Variants in ATXN2 observed in about 807,000 individuals in gnomAD.
The protein encoded by ATXN2 is ataxin 2.
A neutral mutation model predicts 138.6 loss-of-function variants in ATXN2; 37 were observed. The ratio of observed to expected loss-of-function variants is 0.27; its 90% CI spans 0.21 to 0.35. The LOEUF is 0.35. Among genes scored for constraint, ATXN2 ranks in the 10% least tolerant of loss-of-function variants. The pLI is 1.00. For missense variants in ATXN2, 1,216 were observed against 1,480.3 expected (o/e 0.82, Z 2.93); for synonymous variants, 549 against 543.7 (o/e 1.01, Z -0.13).
In ATXN2 at chr12:111,453,756, C is replaced by T. The variant is rs1874855846; in HGVS notation, c.3360G>A (p.Gln1120=). Residue 1120 remains glutamine (Q), a synonymous_variant, in exon 24 of 25, where the codon CAG becomes CAA. Coordinates refer to ENST00000673436, the MANE Select transcript of ATXN2 (RefSeq NM_001372574.1). This position sits in a 1 kb window ranked among gnomAD's most constrained non-coding sequence, Gnocchi z 5.4. ...GTAGTGCACTTTGAGCGAGGGCGGC[C>T]TGGGGACCGCCGGGTGGCTGTGTCG... ...LMTTQPPGGP[Q]AALAQSALQP... 1 of 1,614,118 alleles carries T rather than the reference C, an allele frequency of 6.2e-7. No homozygotes were observed. The highest frequency in any genetic ancestry group is 8.5e-7 in the Non-Finnish European group (1 of 1,179,972).
intron 1 of ATXN2, among the ~76,000 whole-genome samples, chr12:111,574,702 T>TGTGA (rs1883536243): frequency 1.3e-5 from 2 of 152,204 alleles, no homozygotes; most frequent in South Asian, 4.2e-4. Context: ...GAATTACAGG[T>TGTGA]GTGAGCCACT....
chr12:111,453,936 A>C lies in ATXN2; in HGVS notation c.3271-91T>G. On this transcript the variant is annotated intron_variant, in intron 23 of 24. Transcript: ENST00000673436. The surrounding 1 kb of genome is among the most constrained non-coding windows in gnomAD (Gnocchi z 5.4). ...TTCCTTTCACTGGGCTGGGACTCTC[A>C]GGAAAGGGCAACGGTGGGCCTCAGG... 44 of 1,345,646 alleles carry C rather than the reference A, an allele frequency of 3.3e-5. No individual in the cohort carries two copies. Among genetic ancestry groups the C allele is most frequent in the Non-Finnish European group, 4.3e-5 (42 of 984,448 alleles). 83.4% of individuals were successfully genotyped at this position (1,345,646 alleles called of 1,614,324 possible).
At chr12:111,456,282 G>C (rs1875090132) in intron 22 of ATXN2, 26 bp from the exon 23 acceptor site, 1 of 1,611,706 alleles carries the variant, frequency 6.2e-7, no homozygotes, top group Admixed American at 1.7e-5. Flanking sequence ...AAAGAATTGA[G>C]AGGAAAACTT....
chr12:111,470,091 A>G lies in ATXN2; in HGVS notation c.2842+17T>C, dbSNP rs2135673442. On this transcript the variant is annotated intron_variant, in intron 20 of 24. Coordinates refer to ENST00000673436, the MANE Select transcript of ATXN2 (RefSeq NM_001372574.1). ...AGAGTCACACACACTGGAAGAGACA[A>G]ACAAAGTGCTTCCTACCATACATCG... The G allele has an allele frequency of 1.9e-6, 3 of 1,611,652 alleles. No individual in the cohort carries two copies. The highest frequency in any genetic ancestry group is 1.3e-5 in the African/African-American group (1 of 74,972).
rs748639800 is a variant in ATXN2, at chr12:111,488,788, A to G, written c.1936-8T>C. On this transcript the variant is annotated splice_polypyrimidine_tract_variant and splice_region_variant and intron_variant, in intron 14 of 24. Transcript: ENST00000673436. Reference sequence around the variant, plus strand: ...AGTAGAACTTGGCTGTAACTAAATAAAGGAAACAATTATACTTAAATATCT... The same window carrying G: ...AGTAGAACTTGGCTGTAACTAAATAGAGGAAACAATTATACTTAAATATCT... The G allele has an allele frequency of 1.3e-6, 2 of 1,584,992 alleles. No homozygotes were observed. The highest frequency in any genetic ancestry group is 1.7e-6 in the Non-Finnish European group (2 of 1,160,054).
chr12:111,554,239 A>C (rs888856493), intron 2 of ATXN2, 22 bp from the exon 3 acceptor site: 2 of 1,364,804 alleles, frequency 1.5e-6, no homozygotes, highest in Admixed American at 3.0e-5. Context: ...AAAAAAAAAA[A>C]AACTATTAGA....
chr12:111,495,963 G>A (rs985348405), intron 14 of ATXN2, among the ~76,000 whole-genome samples: 1 of 143,744 alleles, frequency 7.0e-6, no homozygotes, highest in African/African-American at 2.7e-5. Context: ...GGGACACATC[G>A]CAAAGCCCCA....
chr12:111,485,218 C>T, intron 18 of ATXN2, 47 bp downstream of exon 18: 1 of 1,532,392 alleles, frequency 6.5e-7, no homozygotes, highest in Non-Finnish European at 9.0e-7. Flanking sequence ...TTACTCAATT[C>T]ATGCAGCATG....
At chr12:111,501,809 T>C (rs1193922326) in intron 14 of ATXN2, among the ~76,000 whole-genome samples, 4 of 152,212 alleles carry the variant, frequency 2.6e-5, no homozygotes, top group East Asian at 3.8e-4. Context: ...ATAAGAGTTC[T>C]TGAGTGAAGG....
At chr12:111,544,822 G>A (rs1032372617) in intron 5 of ATXN2, among the ~76,000 whole-genome samples, 5 of 152,182 alleles carry the variant, frequency 3.3e-5, no homozygotes, top group South Asian at 2.1e-4. Flanking sequence ...GAGGTTAATC[G>A]TAGCCTTAGG....
intron 1 of ATXN2, among the ~76,000 whole-genome samples, chr12:111,572,636 TG>T (rs1396347086): frequency 1.4e-4 from 21 of 152,228 alleles, no homozygotes; most frequent in Admixed American, 1.3e-3. Flanking sequence ...TACAACCTCC[TG>T]ATATTGTTTG....
intron 3 of ATXN2, among the ~76,000 whole-genome samples, chr12:111,553,873 T>A (rs1165179111): frequency 6.6e-6 from 1 of 152,086 alleles, no homozygotes; most frequent in Non-Finnish European, 1.5e-5. Flanking sequence ...AGTGCTGGGA[T>A]TACAGGCGTG....
intron 6 of ATXN2, among the ~76,000 whole-genome samples, chr12:111,523,642 C>A (rs1304292786): frequency 2.0e-5 from 3 of 152,100 alleles, no homozygotes; most frequent in African/African-American, 7.2e-5. Context: ...AGTAGAATCA[C>A]TTGAACCCAG....
At chr12:111,597,968 G>C (rs1295744909) in intron 1 of ATXN2, 6 of 1,222,896 alleles carry the variant, frequency 4.9e-6, no homozygotes, top group Non-Finnish European at 6.3e-6. Context: ...AATGCGGATC[G>C]GCCACCACCC....
rs764313940 is a variant in ATXN2, at chr12:111,485,880, A to T, written c.2305-15T>A. 6.2e-6 allele frequency: 10 copies of T among 1,612,280 alleles called. No individual in the cohort carries two copies. In the South Asian group the frequency reaches 8.8e-5, roughly 14 times the overall value. ...GAAGGCTTTGGCTACAAAAACAACA[A>T]TAAATTCAATTATCTCAAGGTAACA... On this transcript the variant is annotated splice_polypyrimidine_tract_variant and intron_variant, in intron 16 of 24. Coordinates refer to ENST00000673436, the MANE Select transcript of ATXN2 (RefSeq NM_001372574.1).
intron 5 of ATXN2, among the ~76,000 whole-genome samples, chr12:111,541,114 G>A (rs1273768279): frequency 2.7e-5 from 4 of 149,818 alleles, no homozygotes; most frequent in Admixed American, 2.0e-4. Flanking sequence ...TCACAGATTT[G>A]CTCCAGTGTA....
intron 1 of ATXN2, chr12:111,581,652 A>C: frequency 1.3e-6 from 1 of 743,916 alleles, no homozygotes; most frequent in Non-Finnish European, 2.5e-6. Flanking sequence ...ATGGTTGGCG[A>C]CCTGATCAGG....
intron 1 of ATXN2, among the ~76,000 whole-genome samples, chr12:111,595,076 C>T (rs1374397364): frequency 6.6e-6 from 1 of 152,050 alleles, no homozygotes; most frequent in Non-Finnish European, 1.5e-5. Flanking sequence ...TTTAAAAATT[C>T]CCCACAATAT....
At chr12:111,596,736 GAACTT>G (rs1387196700) in intron 1 of ATXN2, among the ~76,000 whole-genome samples, 1 of 152,090 alleles carries the variant, frequency 6.6e-6, no homozygotes, top group Non-Finnish European at 1.5e-5. Flanking sequence ...TCAAGTAAAA[GAACTT>G]AAAGCAAGGA....
Sources: allele counts gnomAD v4.1 joint callset (sites outside exome capture counted in the v4.1 genomes callset), GRCh38; gene constraint gnomAD v4.1.1; non-coding constraint Gnocchi (gnomAD v3.1); transcripts MANE v1.5; gene names NCBI Gene and HGNC (gene_info 2026-07-23, HGNC 2026-07-21).